The following NEGR1 variants were observed in gnomAD, a reference collection of about 807,000 sequenced individuals.
NEGR1 encodes IgLON family member 4.
A neutral mutation model predicts 40.9 loss-of-function variants in NEGR1; 10 were observed. The observed-to-expected ratio is 0.24, with a 90% CI of 0.15 to 0.42. The LOEUF is 0.42. NEGR1 is among the 10% of genes least tolerant of loss of function. NEGR1 has a pLI of 1.00. For missense variants in NEGR1, 352 were observed against 438.9 expected (o/e 0.80, Z 1.77); for synonymous variants, 185 against 166.8 (o/e 1.11, Z -0.84).
chr1:71,776,375 A>G (rs1656509324), intron 2 of NEGR1, 78 bp from the exon 3 acceptor site: 2 of 854,768 alleles, frequency 2.3e-6, no homozygotes, highest in Admixed American at 2.9e-5. Flanking sequence ...ATTCCATAAT[A>G]TCATGCAAGA....
At chr1:71,904,810 T>C (rs941224730) in intron 2 of NEGR1, among the ~76,000 whole-genome samples, 3 of 152,144 alleles carry the variant, frequency 2.0e-5, no homozygotes, top group Non-Finnish European at 4.4e-5. Context: ...AATTTTACTA[T>C]TGATGCACAC....
At chr1:71,929,532 T>C (rs1376766786) in intron 2 of NEGR1, among the ~76,000 whole-genome samples, 4 of 152,112 alleles carry the variant, frequency 2.6e-5, no homozygotes, top group East Asian at 3.9e-4. Flanking sequence ...AATATGAGAG[T>C]CTTGTCATGA....
chr1:71,837,901 AT>A, intron 2 of NEGR1, among the ~76,000 whole-genome samples: 1 of 152,258 alleles, frequency 6.6e-6, no homozygotes, highest in Non-Finnish European at 1.5e-5. Flanking sequence ...TGAAAAGTAC[AT>A]TTTAAAAGTA....
intron 6 of NEGR1, among the ~76,000 whole-genome samples, chr1:71,433,310 G>A (rs533067149): frequency 6.6e-5 from 10 of 152,258 alleles, no homozygotes; most frequent in African/African-American, 2.2e-4. Context: ...ACAAATTAAC[G>A]TATCTATCAT....
intron 3 of NEGR1, among the ~76,000 whole-genome samples, chr1:71,768,317 C>T (rs1363718730): frequency 6.6e-6 from 1 of 152,180 alleles, no homozygotes. Context: ...GCCTTGGGAA[C>T]TCAGCCCTTG....
intron 4 of NEGR1, among the ~76,000 whole-genome samples, chr1:71,686,187 T>C (rs533216905): frequency 6.6e-6 from 1 of 152,278 alleles, no homozygotes; most frequent in Admixed American, 6.5e-5. Flanking sequence ...AAGTAAGATG[T>C]GATGCAAAAT....
intron 6 of NEGR1, among the ~76,000 whole-genome samples, chr1:71,529,909 A>T (rs900740264): frequency 1.3e-5 from 2 of 151,138 alleles, no homozygotes; most frequent in African/African-American, 2.4e-5. Flanking sequence ...TAATAATTCA[A>T]TTTTCATTCC....
At chr1:72,043,784 T>C (rs370405684) in intron 1 of NEGR1, among the ~76,000 whole-genome samples, 1 of 151,868 alleles carries the variant, frequency 6.6e-6, no homozygotes. Context: ...AAAGCACTTG[T>C]AACAGTACTG....
chr1:71,762,121 G>GT (rs1448169110), intron 3 of NEGR1, among the ~76,000 whole-genome samples: 2 of 152,056 alleles, frequency 1.3e-5, no homozygotes, highest in African/African-American at 4.8e-5. Flanking sequence ...GATAAGTAAT[G>GT]TGTTTGTAAG....
At chr1:72,141,308 C>G (rs1412897929) in intron 1 of NEGR1, among the ~76,000 whole-genome samples, 1 of 151,874 alleles carries the variant, frequency 6.6e-6, no homozygotes, top group Non-Finnish European at 1.5e-5. Flanking sequence ...TATGTCATTT[C>G]TAAGAAATTA....
At chr1:71,699,083 A>G (rs1319227214) in intron 3 of NEGR1, among the ~76,000 whole-genome samples, 1 of 151,978 alleles carries the variant, frequency 6.6e-6, no homozygotes, top group Non-Finnish European at 1.5e-5. Context: ...AAAGGGAATT[A>G]TGGAATGAAG....
intron 3 of NEGR1, among the ~76,000 whole-genome samples, chr1:71,740,330 T>G (rs1050916660): frequency 6.6e-5 from 10 of 152,182 alleles, no homozygotes; most frequent in African/African-American, 2.4e-4. Context: ...TTTGCATTAT[T>G]CTTTAGGTTT....
intron 1 of NEGR1, among the ~76,000 whole-genome samples, chr1:72,050,876 C>A (rs949518225): frequency 3.3e-5 from 5 of 151,512 alleles, no homozygotes; most frequent in African/African-American, 1.2e-4. Context: ...AAGAAGCCCA[C>A]TTAGAGTAGA....
chr1:72,059,629 A>G (rs1200907499), intron 1 of NEGR1, among the ~76,000 whole-genome samples: 1 of 151,690 alleles, frequency 6.6e-6, no homozygotes, highest in Non-Finnish European at 1.5e-5. Context: ...AGATTTTAAT[A>G]GTTTAATGAT....
chr1:71,676,088 G>A (rs550212607), intron 4 of NEGR1, among the ~76,000 whole-genome samples: 23 of 152,202 alleles, frequency 1.5e-4, no homozygotes, highest in African/African-American at 4.8e-4. Flanking sequence ...GTAGGATGAC[G>A]ATGAGAGTTA....
chr1:71,546,235 C>T (rs372772049), intron 6 of NEGR1, among the ~76,000 whole-genome samples: 29 of 151,728 alleles, frequency 1.9e-4, no homozygotes, highest in African/African-American at 7.0e-4. Context: ...TTTCCAGACA[C>T]ACTCAACAGA....
intron 6 of NEGR1, chr1:71,573,576 G>A (rs568830699): frequency 1.2e-4 from 19 of 152,182 alleles, no homozygotes; most frequent in African/African-American, 4.6e-4. Flanking sequence ...ACTTTGATGT[G>A]GCTTCTCTTG....
intron 3 of NEGR1, among the ~76,000 whole-genome samples, chr1:71,714,591 T>C (rs1052602087): frequency 1.3e-5 from 2 of 152,078 alleles, no homozygotes; most frequent in Admixed American, 6.6e-5. Context: ...CCATGGCAAA[T>C]GGGAGAAATT....
chr1:72,005,212 T>C (rs555684856), intron 1 of NEGR1, among the ~76,000 whole-genome samples: 2 of 152,230 alleles, frequency 1.3e-5, no homozygotes, highest in East Asian at 3.9e-4. Flanking sequence ...TTTCTACTAT[T>C]ATACACTGAG....
Sources: allele counts gnomAD v4.1 joint callset (sites outside exome capture counted in the v4.1 genomes callset), GRCh38; gene constraint gnomAD v4.1.1; transcripts MANE v1.5; gene names NCBI Gene and HGNC (gene_info 2026-07-23, HGNC 2026-07-21).